Variants in PTPRM observed in about 807,000 individuals in gnomAD.
The protein encoded by PTPRM is protein tyrosine phosphatase receptor type M.
Under a neutral mutation model 186.7 loss-of-function variants are expected in PTPRM, and 47 were observed. That is an observed-to-expected ratio of 0.25 (90% CI 0.20 to 0.32). The LOEUF (loss-of-function observed/expected upper bound fraction) is 0.32. Among genes scored for constraint, PTPRM ranks in the 10% least tolerant of loss-of-function variants. The pLI, the probability that PTPRM is intolerant of heterozygous loss-of-function variation, is 1.00. For missense variants in PTPRM, 1,494 were observed against 1,865.0 expected, an observed-to-expected ratio of 0.80 and a Z score of 3.66; for synonymous variants, 668 against 674.9, an observed-to-expected ratio of 0.99 and a Z score of 0.16.
chr18:7,667,789 A>C (rs111255995), intron 1 of PTPRM, among the ~76,000 whole-genome samples: 39 of 152,292 alleles, frequency 2.6e-4, no homozygotes, highest in African/African-American at 8.2e-4. Flanking sequence ...AAAGATTTCA[A>C]ATGATTGTAT....
At chr18:8,298,856 G>A (rs1008267269) in intron 20 of PTPRM, among the ~76,000 whole-genome samples, 1 of 152,184 alleles carries the variant, frequency 6.6e-6, no homozygotes, top group Non-Finnish European at 1.5e-5. Flanking sequence ...GCTCATACTT[G>A]TAATCTTAGC....
chr18:7,699,724 C>T (rs966732880), intron 1 of PTPRM, among the ~76,000 whole-genome samples: 1 of 86,140 alleles, frequency 1.2e-5, no homozygotes, highest in Non-Finnish European at 2.1e-5. Flanking sequence ...GTCTAACTTA[C>T]AAGTTTTTTT....
intron 1 of PTPRM, among the ~76,000 whole-genome samples, chr18:7,642,678 G>A (rs1222822200): frequency 6.6e-6 from 1 of 151,934 alleles, no homozygotes; most frequent in Non-Finnish European, 1.5e-5. Flanking sequence ...GTGGGTTATA[G>A]AAAGCTTACA....
intron 32 of PTPRM, chr18:8,404,173 C>T (rs1387236889): frequency 2.6e-5 from 4 of 152,214 alleles, no homozygotes; most frequent in African/African-American, 9.7e-5. Flanking sequence ...TCCCTCCAGC[C>T]GTGTATGAGG....
chr18:7,723,819 CT>C, intron 1 of PTPRM, among the ~76,000 whole-genome samples: 1 of 152,182 alleles, frequency 6.6e-6, no homozygotes, highest in East Asian at 1.9e-4. Flanking sequence ...CTGCCTTTTC[CT>C]CCTGTGTTAC....
chr18:7,851,574 C>T (rs1306227194), intron 2 of PTPRM, among the ~76,000 whole-genome samples: 1 of 151,770 alleles, frequency 6.6e-6, no homozygotes, highest in African/African-American at 2.4e-5. Context: ...AAATATCCAC[C>T]AACCCAGAAT....
chr18:8,176,232 C>G (rs1255194819), intron 14 of PTPRM, among the ~76,000 whole-genome samples: 2 of 151,092 alleles, frequency 1.3e-5, no homozygotes, highest in Non-Finnish European at 2.9e-5. Context: ...AGAGAGAGTA[C>G]AGTTAGACAT....
intron 11 of PTPRM, among the ~76,000 whole-genome samples, chr18:8,096,243 G>A (rs1049403704): frequency 6.6e-6 from 1 of 152,198 alleles, no homozygotes; most frequent in Non-Finnish European, 1.5e-5. Flanking sequence ...TAGGGCCGGG[G>A]AAGACCTAAG....
intron 29 of PTPRM, among the ~76,000 whole-genome samples, chr18:8,383,296 C>CAAAAAAAAAAAAA (rs59442781): frequency 6.6e-5 from 2 of 30,430 alleles, no homozygotes; most frequent in Non-Finnish European, 1.1e-4. Context: ...GCTTCTGCCT[C>CAAAAAAAAAAAAA]AAAAAAAAAA....
intron 2 of PTPRM, among the ~76,000 whole-genome samples, chr18:7,842,930 G>GTGTGTGTATATA (rs377182615): frequency 3.2e-4 from 32 of 100,926 alleles, no homozygotes; most frequent in African/African-American, 1.4e-3. Context: ...GTGTGTGTGT[G>GTGTGTGTATATA]TATATATATA....
intron 7 of PTPRM, among the ~76,000 whole-genome samples, chr18:8,023,528 T>C (rs1310166907): frequency 6.6e-6 from 1 of 152,198 alleles, no homozygotes; most frequent in Non-Finnish European, 1.5e-5. Context: ...AAGTGTTTTA[T>C]CTCAAGAACT....
chr18:8,376,444 A>AC lies in PTPRM; in HGVS notation c.3327-12dup, dbSNP rs748288400. 50 of 1,613,578 alleles carry AC rather than the reference A, an allele frequency of 3.1e-5. No individual in the cohort carries two copies. Among genetic ancestry groups the AC allele is most frequent in the African/African-American group, 5.3e-5 (4 of 74,772 alleles). ...GTGGTCCTTCTTCCTCCACTGACAG[A>AC]CCCCCCTTTTCATTCAGTGCTGGTG... On this transcript the variant is annotated splice_polypyrimidine_tract_variant and intron_variant, in intron 25 of 32. Transcript: ENST00000580170.
intron 3 of PTPRM, among the ~76,000 whole-genome samples, chr18:7,894,130 A>T (rs2049222298): frequency 6.6e-6 from 1 of 152,072 alleles, no homozygotes. Flanking sequence ...TACCGAGGAG[A>T]TGCCTGTTGT....
At chr18:7,672,834 C>A (rs2039248795) in intron 1 of PTPRM, among the ~76,000 whole-genome samples, 1 of 152,146 alleles carries the variant, frequency 6.6e-6, no homozygotes, top group Non-Finnish European at 1.5e-5. Flanking sequence ...CTAGGGATCC[C>A]AGGAACATAA....
intron 7 of PTPRM, among the ~76,000 whole-genome samples, chr18:8,012,602 T>C (rs910145893): frequency 3.9e-5 from 6 of 152,212 alleles, no homozygotes; most frequent in African/African-American, 1.2e-4. Flanking sequence ...AACATGTGAC[T>C]GTACTGAGTA....
chr18:8,250,376 A>G, intron 17 of PTPRM, among the ~76,000 whole-genome samples: 1 of 152,158 alleles, frequency 6.6e-6, no homozygotes, highest in East Asian at 1.9e-4. Flanking sequence ...TAATTCATAA[A>G]GAATATAAGT....
At chr18:8,106,819 A>G (rs1395317358) in intron 11 of PTPRM, among the ~76,000 whole-genome samples, 3 of 152,208 alleles carry the variant, frequency 2.0e-5, no homozygotes. Flanking sequence ...TTCAGGAGCA[A>G]AGCAGGAGCC....
At chr18:8,328,830 C>A (rs537515292) in intron 22 of PTPRM, among the ~76,000 whole-genome samples, 8 of 152,218 alleles carry the variant, frequency 5.3e-5, no homozygotes, top group Non-Finnish European at 1.2e-4. Context: ...ACAATAATTT[C>A]TCTTCACTAG....
At chr18:7,796,147 A>C (rs892154132) in intron 2 of PTPRM, among the ~76,000 whole-genome samples, 2 of 142,524 alleles carry the variant, frequency 1.4e-5, no homozygotes, top group South Asian at 4.2e-4. Flanking sequence ...CAGCAATAAC[A>C]AAGATGGTAG....
Sources: allele counts gnomAD v4.1 joint callset (sites outside exome capture counted in the v4.1 genomes callset), GRCh38; gene constraint gnomAD v4.1.1; transcripts MANE v1.5; gene names NCBI Gene and HGNC (gene_info 2026-07-23, HGNC 2026-07-21).